ZNF652: variants seen among roughly 807,000 people sequenced by gnomAD.
ZNF652 encodes the protein zinc finger protein 652.
In ZNF652, 16 loss-of-function variants were observed where a neutral mutation model predicts 45.2. That is an observed-to-expected ratio of 0.35 (90% CI 0.24 to 0.54). ZNF652 has a LOEUF of 0.54. Ranked by LOEUF, ZNF652 falls within the 20% of genes least tolerant of loss-of-function variation. The pLI is 0.91. For missense variants in ZNF652, 614 were observed against 765.6 expected (o/e 0.80, Z 2.34); for synonymous variants, 250 against 260.6 (o/e 0.96, Z 0.39).
rs938049978 is a variant in ZNF652 at position 49,292,503 on chromosome 17, G to A, written c.*5910C>T. 6.6e-6 allele frequency among the ~76,000 whole-genome samples: 1 copy of A among 152,138 alleles called. No individual in the cohort carries two copies. The highest frequency in any genetic ancestry group is 1.5e-5 in the Non-Finnish European group (1 of 68,032). ...CCATGAGAGAGCAGAAACCCAGGGA[G>A]CAATTTTAAATTAATTTGACTAAAA... On this transcript the variant is annotated 3_prime_UTR_variant, in exon 6 of 6. Transcript: ENST00000430262.
rs78525174 is a variant in ZNF652, at chr17:49,342,721, A to G, written c.-259+19188T>C. ...ATTTCAACTCAAGGCTGAACTATAG[A>G]ACATGTGACAATTTAATGATCTGCT... On this transcript the variant is annotated intron_variant, in intron 1 of 5. Transcript: ENST00000430262. Among the ~76,000 whole-genome samples, 772 of 152,234 alleles carry G rather than the reference A, an allele frequency of 5.1e-3. 7 individuals are homozygous for G. Among genetic ancestry groups the G allele is most frequent in the African/African-American group, 0.016 (649 of 41,542 alleles).
intron 5 of ZNF652, among the ~76,000 whole-genome samples, chr17:49,302,651 A>T (rs2069570072): frequency 2.0e-5 from 3 of 152,274 alleles, no homozygotes; most frequent in African/African-American, 7.2e-5. Context: ...TCTATTAAAT[A>T]AAAGCAAGTT....
chr17:49,356,779 G>A (rs1053619700), intron 1 of ZNF652, among the ~76,000 whole-genome samples: 5 of 152,080 alleles, frequency 3.3e-5, no homozygotes, highest in Admixed American at 3.3e-4. Flanking sequence ...AAATCCTACT[G>A]TATTACTGAT....
intron 1 of ZNF652, among the ~76,000 whole-genome samples, chr17:49,343,924 C>T (rs1045535231): frequency 6.6e-6 from 1 of 151,980 alleles, no homozygotes; most frequent in South Asian, 2.1e-4. Flanking sequence ...GCCGGCCAGG[C>T]GCGGTGGCTC....
At chr17:49,324,734 CTTTTTTTTTTTTTTT>C (rs1185007907) in intron 1 of ZNF652, among the ~76,000 whole-genome samples, 1 of 96,224 alleles carries the variant, frequency 1.0e-5, no homozygotes, top group Admixed American at 1.1e-4. Context: ...TGGGGTAGCA[CTTTTTTTTTTTTTTT>C]TTTTTTTTGA....
chr17:49,308,978 G>T (rs892732829), intron 5 of ZNF652, among the ~76,000 whole-genome samples: 1 of 151,804 alleles, frequency 6.6e-6, no homozygotes, highest in African/African-American at 2.4e-5. Flanking sequence ...ACATTTAAGG[G>T]TCTAAAAAAA....
Position 49,293,012 on chromosome 17 carries a change from G to C in ZNF652, c.*5401C>G, listed in dbSNP as rs1191565832. On this transcript the variant is annotated 3_prime_UTR_variant, in exon 6 of 6. Coordinates refer to ENST00000430262, the MANE Select transcript of ZNF652 (RefSeq NM_001145365.3). ...CATTTTGAAGGCACTCAAAAACAGAGTGAGAGAGACTGAAGCTGCAGTGAC... is the reference window on the plus strand; with the variant it reads ...CATTTTGAAGGCACTCAAAAACAGACTGAGAGAGACTGAAGCTGCAGTGAC... 6.6e-6 allele frequency among the ~76,000 whole-genome samples: 1 copy of C among 152,174 alleles called. No individual in the cohort carries two copies. The highest frequency in any genetic ancestry group is 1.5e-5 in the Non-Finnish European group (1 of 68,014).
Position 49,312,790 on chromosome 17 carries a change from T to C in ZNF652, c.956A>G (p.Lys319Arg). Reference sequence around the variant, plus strand: ...CTTTTCTGCATATCCATGGACGATCTTGATATGTTCATGAAGGGACCAGAG... The same window carrying C: ...CTTTTCTGCATATCCATGGACGATCCTGATATGTTCATGAAGGGACCAGAG... ...KKLWSLHEHI[K>R]IVHGYAEKKF... The change falls in exon 3 of 6, where the codon AAG (lysine) becomes AGG (arginine). Residue 319 changes from lysine (K) to arginine (R), a missense_variant. Physicochemically the swap from Lys to Arg is conservative, Grantham distance 26. This residue lies in a region of ZNF652 where 262 missense variants were observed against 306.3 expected (regional missense o/e 0.86). Transcript: ENST00000430262. 1.2e-6 allele frequency: 2 copies of C among 1,614,124 alleles called. No homozygotes were observed. The highest frequency in any genetic ancestry group is 1.7e-6 in the Non-Finnish European group (2 of 1,179,962).
In ZNF652 at chr17:49,351,044, C is replaced by A. The variant is rs186067278; in HGVS notation, c.-259+10865G>T. On this transcript the variant is annotated intron_variant, in intron 1 of 5. Transcript: ENST00000430262. ...ACACACACACACACACACACACACA[C>A]ACACACACACATATTTTTATATAAA... Among the ~76,000 whole-genome samples, 793 of 126,080 alleles carry A rather than the reference C, an allele frequency of 6.3e-3. 13 individuals are homozygous for A. The highest frequency in any genetic ancestry group is 0.056 in the Middle Eastern group (14 of 250). The allele number at this position is 126,080 out of a possible 152,430, so 82.7% of individuals were successfully genotyped here.
At chr17:49,344,683 G>C (rs1196308849) in intron 1 of ZNF652, among the ~76,000 whole-genome samples, 1 of 151,898 alleles carries the variant, frequency 6.6e-6, no homozygotes, top group Non-Finnish European at 1.5e-5. Flanking sequence ...ACCATGCCTG[G>C]CTGATGTTTT....
intron 1 of ZNF652, among the ~76,000 whole-genome samples, chr17:49,327,777 ATATTTTT>A (rs2069980330): frequency 4.6e-4 from 1 of 2,174 alleles, no homozygotes; most frequent in African/African-American, 1.4e-3. Flanking sequence ...ATATATATAT[ATATTTTT>A]TTTTTTTTTT....
intron 1 of ZNF652, among the ~76,000 whole-genome samples, chr17:49,322,881 T>G (rs2069912779): frequency 5.3e-5 from 8 of 152,180 alleles, no homozygotes; most frequent in Admixed American, 5.2e-4. Flanking sequence ...CAAGACTCCG[T>G]CTCAATAAAT....
chr17:49,316,950 T>C lies in ZNF652; in HGVS notation c.776A>G (p.Tyr259Cys). The C allele has an allele frequency of 6.2e-7, 1 of 1,614,204 alleles. No homozygotes were observed. The highest frequency in any genetic ancestry group is 8.5e-7 in the Non-Finnish European group (1 of 1,180,020). The change falls in exon 2 of 6, where the codon TAC (tyrosine) becomes TGC (cysteine). Residue 259 changes from tyrosine to cysteine, a missense_variant. Transcript: ENST00000430262. ...KCPRVFNTRW[Y>C]LEKHMNVTHR... Reference sequence around the variant, plus strand: ...AGTAACGTTCATGTGCTTCTCCAGGTACCAGCGAGTGTTAAATACCCTGGG... The same window carrying C: ...AGTAACGTTCATGTGCTTCTCCAGGCACCAGCGAGTGTTAAATACCCTGGG...
intron 1 of ZNF652, among the ~76,000 whole-genome samples, chr17:49,358,979 T>C (rs1276092634): frequency 6.6e-6 from 1 of 152,198 alleles, no homozygotes; most frequent in Non-Finnish European, 1.5e-5. Flanking sequence ...AAGTTCTGAA[T>C]CTGGCAGGGA....
chr17:49,301,221 T>C (rs2069547821), intron 5 of ZNF652, among the ~76,000 whole-genome samples: 1 of 152,244 alleles, frequency 6.6e-6, no homozygotes, highest in African/African-American at 2.4e-5. Flanking sequence ...TTTTCCTCAC[T>C]TTCCTGAGAG....
chr17:49,345,148 C>A (rs35073649), intron 1 of ZNF652, among the ~76,000 whole-genome samples: 156 of 151,456 alleles, frequency 1.0e-3, no homozygotes, highest in East Asian at 8.0e-3. Context: ...AGATGACTGG[C>A]GACTTTTTGG....
At chr17:49,342,566 G>T in intron 1 of ZNF652, among the ~76,000 whole-genome samples, 1 of 134,278 alleles carries the variant, frequency 7.4e-6, no homozygotes, top group Non-Finnish European at 1.6e-5. Context: ...GGGGGGGGGG[G>T]GGGGGAATCA....
intron 1 of ZNF652, among the ~76,000 whole-genome samples, chr17:49,331,472 G>C (rs535614766): frequency 6.6e-6 from 1 of 152,110 alleles, no homozygotes; most frequent in South Asian, 2.1e-4. Context: ...TTAGAACTGA[G>C]ATATATTTAT....
intron 3 of ZNF652, 113 bp from the exon 4 acceptor site, chr17:49,312,155 GA>G: frequency 5.6e-6 from 2 of 358,490 alleles, no homozygotes; most frequent in South Asian, 3.8e-5. Context: ...ACTGATTTGT[GA>G]GGCTTTTTTT....
Sources: allele counts gnomAD v4.1 joint callset (sites outside exome capture counted in the v4.1 genomes callset), GRCh38; gene constraint gnomAD v4.1.1; regional missense constraint gnomAD v4.1.1; transcripts MANE v1.5; gene names NCBI Gene and HGNC (gene_info 2026-07-23, HGNC 2026-07-21).